Variants in ADAM19 observed in about 807,000 individuals in gnomAD.
ADAM19 encodes disintegrin and metalloproteinase domain-containing protein 19.
ADAM19 carries 65 observed loss-of-function variants against 114.7 expected under a neutral mutation model. The ratio of observed to expected loss-of-function variants is 0.57; its 90% CI spans 0.46 to 0.70. ADAM19 has a LOEUF of 0.70. Ranked by LOEUF, ADAM19 falls within the 30% of genes least tolerant of loss-of-function variation. ADAM19 has a pLI of 0.00. For missense variants in ADAM19, 1,063 were observed against 1,204.7 expected (o/e 0.88, Z 1.74); for synonymous variants, 466 against 460.5 (o/e 1.01, Z -0.15).
chr5:157,558,129 C>A (rs1470350462), intron 3 of ADAM19, among the ~76,000 whole-genome samples: 1 of 152,234 alleles, frequency 6.6e-6, no homozygotes, highest in Non-Finnish European at 1.5e-5. Context: ...ACGTGCCTAG[C>A]AAAGCACTTG....
chr5:157,519,812 T>G (rs747908632), intron 6 of ADAM19, 27 bp downstream of exon 6: 11 of 1,587,192 alleles, frequency 6.9e-6, no homozygotes, highest in Non-Finnish European at 7.7e-6. Flanking sequence ...CCAGGTTGAT[T>G]TCTGCACTGA....
At chr5:157,549,317 G>A in intron 3 of ADAM19, among the ~76,000 whole-genome samples, 1 of 152,198 alleles carries the variant, frequency 6.6e-6, no homozygotes, top group Non-Finnish European at 1.5e-5. Context: ...TAGCCCACCA[G>A]TGGAAGAAAA....
chr5:157,481,981 G>A (rs1186036795), intron 21 of ADAM19, 38 bp from the exon 22 acceptor site: 1 of 1,499,566 alleles, frequency 6.7e-7, no homozygotes, highest in South Asian at 1.3e-5. Flanking sequence ...GAAGGCCAGA[G>A]GCCTGTTTGA....
intron 8 of ADAM19, among the ~76,000 whole-genome samples, chr5:157,512,170 G>GTCTGTC (rs1755942032): frequency 1.3e-5 from 2 of 152,174 alleles, no homozygotes; most frequent in Non-Finnish European, 1.5e-5. Flanking sequence ...TGTCCCTAGA[G>GTCTGTC]TCTGTCCTTC....
chr5:157,538,938 G>A (rs1756841048), intron 3 of ADAM19, among the ~76,000 whole-genome samples: 1 of 152,252 alleles, frequency 6.6e-6, no homozygotes, highest in African/African-American at 2.4e-5. Context: ...ACTGAGGTGG[G>A]CAGATCACCT....
At chr5:157,551,595 T>C (rs1023949202) in intron 3 of ADAM19, among the ~76,000 whole-genome samples, 21 of 151,862 alleles carry the variant, frequency 1.4e-4, no homozygotes, top group African/African-American at 4.8e-4. Context: ...AAAAAGCTTC[T>C]GAACAGCAAA....
chr5:157,479,677 CA>C lies in ADAM19; in HGVS notation c.*1271del. On this transcript the variant is annotated 3_prime_UTR_variant, in exon 23 of 23. Coordinates refer to ENST00000257527, the MANE Select transcript of ADAM19 (RefSeq NM_033274.5). ...AGAGAGAACAAAAGGAAGTGAATGA[CA>C]AAAAGCTGGGTTGAGGAAGAGGCTC... is the stretch of plus-strand genomic sequence containing the variant. The C allele has an allele frequency of 1.0e-6, 1 of 985,996 alleles. No homozygotes were observed. The highest frequency in any genetic ancestry group is 1.2e-6 in the Non-Finnish European group (1 of 830,132). The allele number at this position is 985,996 out of a possible 1,614,324, so 61.1% of individuals were successfully genotyped here.
chr5:157,551,790 A>C (rs1757205544), intron 3 of ADAM19, among the ~76,000 whole-genome samples: 1 of 152,182 alleles, frequency 6.6e-6, no homozygotes, highest in South Asian at 2.1e-4. Flanking sequence ...TCTCAAAAGA[A>C]GGCATAAAAA....
At chr5:157,564,227 T>A (rs1561559012) in intron 3 of ADAM19, 146 bp downstream of exon 3, 4 of 705,598 alleles carry the variant, frequency 5.7e-6, no homozygotes, top group African/African-American at 1.8e-5. Context: ...AGGCTCTGGC[T>A]TTGCAAGATG....
At chr5:157,528,425 C>T (rs1041523597) in intron 5 of ADAM19, among the ~76,000 whole-genome samples, 1 of 152,240 alleles carries the variant, frequency 6.6e-6, no homozygotes, top group Non-Finnish European at 1.5e-5. Context: ...GCAGGTCACA[C>T]CTGCATGTTC....
At chr5:157,508,585 C>T (rs903622563) in intron 9 of ADAM19, among the ~76,000 whole-genome samples, 5 of 149,458 alleles carry the variant, frequency 3.3e-5, no homozygotes, top group Admixed American at 1.3e-4. Context: ...AGGTGACAGA[C>T]GGAAACTGTC....
At chr5:157,505,578 C>T (rs1053897708) in intron 11 of ADAM19, 91 bp downstream of exon 11, 1 of 1,442,080 alleles carries the variant, frequency 6.9e-7, no homozygotes, top group Non-Finnish European at 9.3e-7. Flanking sequence ...TTAAGGGAGT[C>T]TCAGTGGGGC....
At chr5:157,558,357 C>A (rs1294473153) in intron 3 of ADAM19, among the ~76,000 whole-genome samples, 1 of 152,176 alleles carries the variant, frequency 6.6e-6, no homozygotes, top group Non-Finnish European at 1.5e-5. Context: ...AGCCCAGCTG[C>A]GAGTAGAGTT....
At chr5:157,561,832 A>G (rs1227471258) in intron 3 of ADAM19, among the ~76,000 whole-genome samples, 1 of 151,982 alleles carries the variant, frequency 6.6e-6, no homozygotes, top group African/African-American at 2.4e-5. Flanking sequence ...GTTTCCCACT[A>G]GAATAGAAGC....
intron 3 of ADAM19, among the ~76,000 whole-genome samples, chr5:157,555,267 G>A (rs1394945393): frequency 6.6e-6 from 1 of 152,156 alleles, no homozygotes; most frequent in African/African-American, 2.4e-5. Flanking sequence ...AAGTGAAGTA[G>A]ATGACCCATA....
At chr5:157,515,769 A>G (rs1215444181) in intron 7 of ADAM19, among the ~76,000 whole-genome samples, 1 of 152,168 alleles carries the variant, frequency 6.6e-6, no homozygotes, top group Non-Finnish European at 1.5e-5. Flanking sequence ...GCATCATGGA[A>G]GTCCTTTACA....
At chr5:157,488,902 C>A (rs77233068) in intron 20 of ADAM19, among the ~76,000 whole-genome samples, 200 bp downstream of exon 20, 2 of 152,126 alleles carry the variant, frequency 1.3e-5, no homozygotes, top group African/African-American at 4.8e-5. Context: ...TGGTGGTGGG[C>A]ACCTGTAGTC....
intron 7 of ADAM19, among the ~76,000 whole-genome samples, chr5:157,514,331 T>A (rs929984338): frequency 1.4e-5 from 2 of 140,326 alleles, no homozygotes; most frequent in African/African-American, 5.2e-5. Context: ...CATTTCTTTC[T>A]TTTTTTTTTT....
chr5:157,545,550 T>G (rs1757026183), intron 3 of ADAM19, among the ~76,000 whole-genome samples: 1 of 152,186 alleles, frequency 6.6e-6, no homozygotes, highest in Non-Finnish European at 1.5e-5. Context: ...CCAAAAAGAT[T>G]GTTTAGGAGA....
Sources: gnomAD v4.1 joint callset for allele counts (sites outside exome capture counted in the v4.1 genomes callset) on GRCh38, gnomAD v4.1.1 for gene constraint, MANE v1.5 for transcripts, NCBI Gene and HGNC (gene_info 2026-07-23, HGNC 2026-07-21) for gene names.